NTN4: variants seen among roughly 807,000 people sequenced by gnomAD.
NTN4 encodes the protein netrin 4, also known as netrin-4.
A neutral mutation model predicts 73.6 loss-of-function variants in NTN4; 32 were observed. The ratio of observed to expected loss-of-function variants is 0.44; its 90% CI spans 0.33 to 0.58. NTN4 has a LOEUF of 0.58. Among genes scored for constraint, NTN4 ranks in the 20% least tolerant of loss-of-function variants. The pLI, the probability that NTN4 is intolerant of heterozygous loss-of-function variation, is 0.04. For synonymous variants in NTN4, 258 were observed against 287.5 expected, an observed-to-expected ratio of 0.90 and a Z score of 1.04; for missense variants, 654 against 798.3, an observed-to-expected ratio of 0.82 and a Z score of 2.18.
In NTN4 at chr12:95,665,645, G is replaced by A. The variant is rs759605682; in HGVS notation, c.1750+165C>T. 65 of 496,106 alleles carry A rather than the reference G, an allele frequency of 1.3e-4. 1 individual carries two copies. The highest frequency in any genetic ancestry group is 4.5e-4 in the South Asian group (10 of 22,172). The allele number at this position is 496,106 out of a possible 1,614,324, so 30.7% of individuals were successfully genotyped here. On this transcript the variant is annotated intron_variant, in intron 9 of 9. Transcript: ENST00000343702. ...GCACATGGAAGAGAAATAATTTTTC[G>A]ATGTTAGTTCAAAGAATTCCATTTG...
intron 9 of NTN4, among the ~76,000 whole-genome samples, chr12:95,664,803 G>A (rs1410975779): frequency 6.6e-6 from 1 of 151,946 alleles, no homozygotes; most frequent in African/African-American, 2.4e-5. Flanking sequence ...AGTAGAGATG[G>A]GGTTTCACTG....
chr12:95,734,178 T>C (rs953877278), intron 3 of NTN4, among the ~76,000 whole-genome samples: 5 of 152,108 alleles, frequency 3.3e-5, no homozygotes, highest in Admixed American at 2.6e-4. Context: ...CCATTTCCAT[T>C]AACTTCCCTA....
intron 8 of NTN4, among the ~76,000 whole-genome samples, chr12:95,669,641 C>T (rs2078211784): frequency 6.6e-6 from 1 of 152,194 alleles, no homozygotes. Context: ...AGGTCTGAGT[C>T]CAAAGCCTGT....
chr12:95,761,662 G>A (rs932720765), intron 2 of NTN4, among the ~76,000 whole-genome samples: 2 of 152,070 alleles, frequency 1.3e-5, no homozygotes, highest in African/African-American at 2.4e-5. Flanking sequence ...AGTAAAGTGC[G>A]TCAAAAGACA....
intron 9 of NTN4, among the ~76,000 whole-genome samples, chr12:95,665,159 C>T (rs769027385): frequency 1.2e-4 from 19 of 152,086 alleles, no homozygotes; most frequent in African/African-American, 3.1e-4. Context: ...GATAACCATG[C>T]GCTTGGGGCA....
At chr12:95,731,869 C>T (rs2078739679) in intron 3 of NTN4, among the ~76,000 whole-genome samples, 1 of 152,110 alleles carries the variant, frequency 6.6e-6, no homozygotes, top group Admixed American at 6.5e-5. Flanking sequence ...TCAACATTTT[C>T]AAGTCTCGGT....
chr12:95,699,017 C>G (rs1243160084), intron 5 of NTN4, among the ~76,000 whole-genome samples: 1 of 121,306 alleles, frequency 8.2e-6, no homozygotes. Flanking sequence ...GGTTTTACTT[C>G]TTGGATTAAA....
At chr12:95,748,244 A>AAAAAAAAAAAAAAG (rs1555219977) in intron 2 of NTN4, among the ~76,000 whole-genome samples, 1 of 138,484 alleles carries the variant, frequency 7.2e-6, no homozygotes, top group African/African-American at 2.6e-5. Context: ...AAAAAAAAAA[A>AAAAAAAAAAAAAAG]AAAAGAAAAG....
At position 95,752,732 on chromosome 12, in the gene NTN4, G is replaced by C. The variant is rs2078919227; in HGVS notation, c.586-14588C>G. 2.6e-5 allele frequency among the ~76,000 whole-genome samples: 4 copies of C among 152,120 alleles called. No individual in the cohort carries two copies. In the South Asian group the frequency reaches 8.3e-4, roughly 32 times the overall value. ...TAGCGCAGTCAGAATTCTTACATAAGAGCCAGGACCACACCGTGTAGCCTT... is the reference window on the plus strand; with the variant it reads ...TAGCGCAGTCAGAATTCTTACATAACAGCCAGGACCACACCGTGTAGCCTT... On this transcript the variant is annotated intron_variant, in intron 2 of 9. Transcript: ENST00000343702.
intron 8 of NTN4, among the ~76,000 whole-genome samples, chr12:95,669,696 A>G (rs1032766226): frequency 6.6e-6 from 1 of 152,242 alleles, no homozygotes; most frequent in Non-Finnish European, 1.5e-5. Flanking sequence ...ATTTCTACTC[A>G]GTATTACTGT....
chr12:95,764,482 T>A (rs1027831528), intron 2 of NTN4, among the ~76,000 whole-genome samples: 14 of 152,146 alleles, frequency 9.2e-5, no homozygotes, highest in Admixed American at 8.5e-4. Flanking sequence ...CTGGCCAACA[T>A]GGCGAAACCC....
intron 2 of NTN4, among the ~76,000 whole-genome samples, chr12:95,766,960 A>G (rs533218064): frequency 2.6e-4 from 39 of 152,178 alleles, no homozygotes; most frequent in Non-Finnish European, 5.1e-4. Context: ...AATATTTATC[A>G]CTGTTAAGTT....
intron 2 of NTN4, among the ~76,000 whole-genome samples, chr12:95,768,039 A>G (rs10777728): frequency 0.32 from 49,358 of 151,962 alleles, 8,481 homozygotes; most frequent in East Asian, 0.53. Context: ...AGTGCTTGAA[A>G]CCATACGAAG....
At chr12:95,689,309 T>A (rs1055141957) in intron 5 of NTN4, among the ~76,000 whole-genome samples, 4 of 152,234 alleles carry the variant, frequency 2.6e-5, no homozygotes. Flanking sequence ...GCCAAACATG[T>A]AAGGTCCTTC....
intron 9 of NTN4, among the ~76,000 whole-genome samples, chr12:95,662,232 T>C (rs1443699551): frequency 2.4e-5 from 1 of 41,486 alleles, no homozygotes; most frequent in Non-Finnish European, 4.3e-5. Flanking sequence ...TTCCTTTTTC[T>C]TTCTTTTTTT....
intron 2 of NTN4, among the ~76,000 whole-genome samples, chr12:95,771,244 T>C (rs933032677): frequency 6.6e-5 from 10 of 152,186 alleles, no homozygotes; most frequent in East Asian, 3.9e-4. Flanking sequence ...CCGCCTCGGC[T>C]TCCCAAAGTG....
At chr12:95,766,760 C>G (rs1288901119) in intron 2 of NTN4, among the ~76,000 whole-genome samples, 1 of 152,194 alleles carries the variant, frequency 6.6e-6, no homozygotes, top group African/African-American at 2.4e-5. Flanking sequence ...GACAGAAGGG[C>G]TCTTCTCTTG....
chr12:95,665,386 A>C (rs1170630852), intron 9 of NTN4, among the ~76,000 whole-genome samples: 1 of 152,222 alleles, frequency 6.6e-6, no homozygotes, highest in East Asian at 1.9e-4. Context: ...GATGCTTTTC[A>C]AGCAATAGTC....
intron 2 of NTN4, among the ~76,000 whole-genome samples, chr12:95,770,988 A>AATTTTTTTTTTTTTTTTTTT (rs2079053316): frequency 2.1e-4 from 12 of 58,090 alleles, no homozygotes; most frequent in African/African-American, 5.2e-4. Context: ...CAGGAAAAGA[A>AATTTTTTTTTTTTTTTTTTT]TTTGTTTTTT....
Sources: allele counts gnomAD v4.1 joint callset (sites outside exome capture counted in the v4.1 genomes callset), GRCh38; gene constraint gnomAD v4.1.1; transcripts MANE v1.5; gene names NCBI Gene and HGNC (gene_info 2026-07-23, HGNC 2026-07-21).